The following LRRC9 variants were observed in gnomAD, a reference collection of about 807,000 sequenced individuals.
LRRC9 encodes leucine-rich repeat-containing protein 9.
A neutral mutation model predicts 63.2 loss-of-function variants in LRRC9; 122 were observed. That is an observed-to-expected ratio of 1.93 (90% CI 1.67 to 2.24). The LOEUF is 2.24. Ranked by LOEUF, LRRC9 falls within the 30% of genes most tolerant of loss-of-function variation. The pLI is 0.00. For synonymous variants in LRRC9, 366 were observed against 213.1 expected (o/e 1.72, Z -6.25); for missense variants, 1,071 against 627.7 (o/e 1.71, Z -7.55).
chr14:60,034,745 C>T (rs1053166472), intron 29 of LRRC9, among the ~76,000 whole-genome samples: 3 of 152,044 alleles, frequency 2.0e-5, no homozygotes, highest in African/African-American at 4.8e-5. Flanking sequence ...TCCATTCATC[C>T]GCTGATGGGC....
chr14:59,970,208 T>A lies in LRRC9; in HGVS notation c.1506+2995T>A, dbSNP rs186673627. 2.2e-4 allele frequency among the ~76,000 whole-genome samples: 31 copies of A among 143,232 alleles called. No individual in the cohort carries two copies. In the South Asian group the frequency reaches 4.2e-3, roughly 19 times the overall value. 94.0% of individuals were successfully genotyped at this position (143,232 alleles called of 152,430 possible). On this transcript the variant is annotated intron_variant, in intron 12 of 31. Coordinates refer to ENST00000445360, the Ensembl canonical transcript of LRRC9. ...TAGCTCCCACTTATTAGTGAGAAAA[T>A]GTAGTATTTTGGGTTTCTGTTCCTG...
chr14:60,057,800 G>A (rs1894395499), intron 30 of LRRC9, 78 bp from the exon 31 acceptor site: 1 of 489,650 alleles, frequency 2.0e-6, no homozygotes, highest in Non-Finnish European at 3.8e-6. Context: ...TGTCTACTCA[G>A]ACTTGTTATA....
intron 17 of LRRC9, among the ~76,000 whole-genome samples, chr14:59,994,512 T>C (rs1888524939): frequency 6.6e-6 from 1 of 152,192 alleles, no homozygotes; most frequent in African/African-American, 2.4e-5. Flanking sequence ...CATTACTGGG[T>C]ATATACCCAA....
intron 17 of LRRC9, among the ~76,000 whole-genome samples, chr14:59,997,007 G>GA (rs1888865647): frequency 1.3e-5 from 2 of 151,950 alleles, no homozygotes; most frequent in Admixed American, 1.3e-4. Flanking sequence ...CTAATAATGT[G>GA]AAAAAATGTT....
chr14:60,022,490 A>G (rs1891189976), intron 26 of LRRC9, among the ~76,000 whole-genome samples: 1 of 151,678 alleles, frequency 6.6e-6, no homozygotes, highest in African/African-American at 2.4e-5. Flanking sequence ...TTCTTGCCTG[A>G]TTGCATTTTC....
intron 29 of LRRC9, among the ~76,000 whole-genome samples, chr14:60,037,562 T>C (rs1892551557): frequency 6.6e-6 from 1 of 152,242 alleles, no homozygotes; most frequent in Admixed American, 6.5e-5. Flanking sequence ...CATAAATGTC[T>C]TCTTTTGAGA....
intron 23 of LRRC9, among the ~76,000 whole-genome samples, chr14:60,015,864 A>G (rs904868742): frequency 6.6e-6 from 1 of 152,160 alleles, no homozygotes; most frequent in Non-Finnish European, 1.5e-5. Context: ...CACTGGTGAA[A>G]GTCTAAGCAG....
chr14:59,924,504 C>G (rs1387699247), intron 1 of LRRC9, among the ~76,000 whole-genome samples: 1 of 152,162 alleles, frequency 6.6e-6, no homozygotes, highest in African/African-American at 2.4e-5. Flanking sequence ...ATAGACCCAT[C>G]ATCTAACCAC....
At chr14:60,014,114 C>T (rs1048927525) in intron 23 of LRRC9, among the ~76,000 whole-genome samples, 1 of 151,882 alleles carries the variant, frequency 6.6e-6, no homozygotes, top group Non-Finnish European at 1.5e-5. Flanking sequence ...TATTACAATG[C>T]ATATACATAA....
chr14:59,984,926 T>C (rs1448567858), intron 16 of LRRC9, among the ~76,000 whole-genome samples, 179 bp from the exon 17 acceptor site: 1 of 152,234 alleles, frequency 6.6e-6, no homozygotes, highest in Non-Finnish European at 1.5e-5. Context: ...TCTTTTAACA[T>C]CATAGATTAG....
chr14:59,982,050 G>A (rs1195015408), exon 16 of LRRC9: 1 of 699,748 alleles, frequency 1.4e-6, no homozygotes, highest in South Asian at 1.5e-5. Flanking sequence ...AGCGTTTACA[G>A]TCATATTGTG....
At chr14:59,941,807 G>A (rs1213731702) in intron 7 of LRRC9, among the ~76,000 whole-genome samples, 11 of 152,024 alleles carry the variant, frequency 7.2e-5, no homozygotes. Flanking sequence ...TTTCTGTCGT[G>A]AACATCCAAA....
rs1397784690 is a variant in LRRC9 at position 60,051,141 on chromosome 14, C to T, written c.3991-1924C>T. Among the ~76,000 whole-genome samples, 3 of 151,050 alleles carry T rather than the reference C, an allele frequency of 2.0e-5. No individual in the cohort carries two copies. The highest frequency in any genetic ancestry group is 2.1e-4 in the South Asian group (1 of 4,834). ...CATTGGTGAGGGACTCTTCCTAGTC[C>T]GGACCTCCTGGACTCTCCAGAGCCA... On this transcript the variant is annotated intron_variant, in intron 29 of 31. Transcript: ENST00000445360. The surrounding 1 kb of genome is among the most constrained non-coding windows in gnomAD (Gnocchi z 4.7).
At position 59,990,586 on chromosome 14, in the gene LRRC9, C is replaced by T. The variant is rs532902242; in HGVS notation, c.2211+5362C>T. 6.6e-6 allele frequency among the ~76,000 whole-genome samples: 1 copy of T among 150,946 alleles called. No homozygotes were observed. The highest frequency in any genetic ancestry group is 2.1e-4 in the South Asian group (1 of 4,756). On this transcript the variant is annotated intron_variant, in intron 17 of 31. Transcript: ENST00000445360. This position sits in a 1 kb window ranked among gnomAD's most constrained non-coding sequence, Gnocchi z 4.2. ...ACACCCTGCTAATTAAAAAAAAAAACAATTTTGTAGAGATGGGGTTTCACT... is the reference window on the plus strand; with the variant it reads ...ACACCCTGCTAATTAAAAAAAAAAATAATTTTGTAGAGATGGGGTTTCACT...
intron 8 of LRRC9, 105 bp downstream of exon 8, chr14:59,944,849 TACACACACACAC>T (rs528764946): frequency 2.3e-6 from 1 of 436,216 alleles, no homozygotes; most frequent in Non-Finnish European, 4.0e-6. Flanking sequence ...ACATATATAA[TACACACACACAC>T]ACACTCACAC....
intron 12 of LRRC9, among the ~76,000 whole-genome samples, chr14:59,973,248 C>T (rs1885727980): frequency 6.6e-6 from 1 of 152,086 alleles, no homozygotes; most frequent in Non-Finnish European, 1.5e-5. Context: ...TCTTATTTGA[C>T]ACATCTTGTG....
chr14:59,968,845 C>G (rs930154350), intron 12 of LRRC9, among the ~76,000 whole-genome samples: 2 of 152,214 alleles, frequency 1.3e-5, no homozygotes, highest in Non-Finnish European at 2.9e-5. Flanking sequence ...CCACAGCTCT[C>G]TGTGCTGCTC....
chr14:59,982,543 A>G (rs912577381), intron 16 of LRRC9, among the ~76,000 whole-genome samples: 4 of 152,160 alleles, frequency 2.6e-5, no homozygotes, highest in African/African-American at 9.7e-5. Flanking sequence ...AGCCAGAGAG[A>G]GCTGATTTTA....
chr14:59,969,361 T>G (rs1885218563), intron 12 of LRRC9: 1 of 152,172 alleles, frequency 6.6e-6, no homozygotes. Context: ...TGATCTTCCC[T>G]TTTTTCTTCA....
Sources: gnomAD v4.1 joint callset for allele counts (sites outside exome capture counted in the v4.1 genomes callset) on GRCh38, gnomAD v4.1.1 for gene constraint, Gnocchi (gnomAD v3.1) non-coding constraint, MANE v1.5 for transcripts, NCBI Gene and HGNC (gene_info 2026-07-23, HGNC 2026-07-21) for gene names.